GPR37: variants seen among roughly 807,000 people sequenced by gnomAD.
GPR37 encodes the protein prosaposin receptor GPR37.
A neutral mutation model predicts 43.6 loss-of-function variants in GPR37; 20 were observed. The observed-to-expected ratio is 0.46, with a 90% CI of 0.32 to 0.67. The LOEUF is 0.67. Among genes scored for constraint, GPR37 ranks in the 30% least tolerant of loss-of-function variants. The pLI, the probability that GPR37 is intolerant of heterozygous loss-of-function variation, is 0.03. For missense variants in GPR37, 724 were observed against 797.2 expected (o/e 0.91, Z 1.11); for synonymous variants, 315 against 322.6 (o/e 0.98, Z 0.25).
chr7:124,765,452 GA>G lies in GPR37; in HGVS notation c.-477del. On this transcript the variant is annotated 5_prime_UTR_variant, in exon 1 of 2. Transcript: ENST00000303921. ...GCAAGCCGAGGTCTCTAGAGGAAAAGAAAAACAAGTCCCCCTCCCCCAGACG... is the reference window on the plus strand; with the variant it reads ...GCAAGCCGAGGTCTCTAGAGGAAAAGAAAACAAGTCCCCCTCCCCCAGACG... The G allele has an allele frequency of 6.4e-6, 1 of 155,070 alleles. No individual in the cohort carries two copies. The highest frequency in any genetic ancestry group is 1.4e-5 in the Non-Finnish European group (1 of 70,104). 9.6% of individuals were successfully genotyped at this position (155,070 alleles called of 1,614,324 possible).
At chr7:124,760,746 C>CTGG (rs1793841905) in intron 1 of GPR37, among the ~76,000 whole-genome samples, 1 of 152,146 alleles carries the variant, frequency 6.6e-6, no homozygotes, top group Non-Finnish European at 1.5e-5. Context: ...GACCAAGGGT[C>CTGG]TGGTGGCTAC....
At position 124,747,197 on chromosome 7, in the gene GPR37, A is replaced by G. The variant is rs1793682501; in HGVS notation, c.1170T>C (p.Ala390=). The G allele has an allele frequency of 2.5e-6, 4 of 1,613,878 alleles. No homozygotes were observed. The East Asian group carries it at 8.9e-5, about 36-fold the overall frequency. ...TAKLAVIWVG[A]LLLALPEVVL... is the part of the protein sequence containing the mutation. ...CAACTTCTGGAAGTGCTAACAATAG[A>G]GCTCCCACCCATATAACAGCAAGTT... The change falls in exon 2 of 2, where the codon GCT becomes GCC. Residue 390 remains alanine, a synonymous_variant. Transcript: ENST00000303921.
chr7:124,754,674 A>G (rs1793772543), intron 1 of GPR37, among the ~76,000 whole-genome samples: 1 of 152,174 alleles, frequency 6.6e-6, no homozygotes, highest in African/African-American at 2.4e-5. Context: ...AAAATCTTTA[A>G]GTACATCTAT....
Position 124,764,011 on chromosome 7 carries a change from C to A in GPR37, c.966G>T (p.Glu322Asp), listed in dbSNP as rs1444518030. ...CCTCCAGCAGCCACTTCTTGGTCAG[C>A]TCGTGGAAGATGACCAGCGGAAGGC... Reference protein sequence around the residue: ...FFCLPLVIFHELTKKWLLEDF... With the variant: ...FFCLPLVIFHDLTKKWLLEDF... Residue 322 changes from glutamate (E) to aspartate (D), a missense_variant, in exon 1 of 2, where the codon GAG (glutamate) becomes GAT (aspartate). Coordinates refer to ENST00000303921, the MANE Select transcript of GPR37 (RefSeq NM_005302.5). This position sits in a 1 kb window ranked among gnomAD's most constrained non-coding sequence, Gnocchi z 5.4. 1.9e-6 allele frequency: 3 copies of A among 1,614,110 alleles called. No individual in the cohort carries two copies. Among genetic ancestry groups the A allele is most frequent in the South Asian group, 1.1e-5 (1 of 91,090 alleles).
intron 1 of GPR37, among the ~76,000 whole-genome samples, chr7:124,763,547 A>G (rs986289965): frequency 6.7e-6 from 1 of 149,996 alleles, no homozygotes; most frequent in Non-Finnish European, 1.5e-5. Flanking sequence ...GCACTTGGTA[A>G]CTAGTACACA....
chr7:124,756,699 T>G (rs1432548558), intron 1 of GPR37, among the ~76,000 whole-genome samples: 1 of 152,212 alleles, frequency 6.6e-6, no homozygotes, highest in African/African-American at 2.4e-5. Flanking sequence ...GGCGCATCCC[T>G]GGAGGATGGA....
chr7:124,764,818 G>A lies in GPR37; in HGVS notation c.159C>T (p.Gly53=), dbSNP rs760441116. The change falls in exon 1 of 2, where the codon GGC becomes GGT. Residue 53 remains glycine (G), a synonymous_variant. Coordinates refer to ENST00000303921, the MANE Select transcript of GPR37 (RefSeq NM_005302.5). This position sits in a 1 kb window ranked among gnomAD's most constrained non-coding sequence, Gnocchi z 5.4. ...SCAPTVIQRR[G]RDAWGPGNSA... ...AATTTCCCGGTCCCCAGGCGTCCCT[G>A]CCGCGGCGCTGGATCACTGTAGGTG... 1.2e-6 allele frequency: 2 copies of A among 1,613,690 alleles called. No homozygotes were observed. The highest frequency in any genetic ancestry group is 2.2e-5 in the South Asian group (2 of 91,086).
In GPR37 at chr7:124,744,728, C is replaced by G. The variant is rs142004485; in HGVS notation, c.*1797G>C. Reference sequence around the variant, plus strand: ...TTATTTTATTCCTTCCCATCCATGTCATCCCTGCCTGATTCTGTAAGGTCT... The same window carrying G: ...TTATTTTATTCCTTCCCATCCATGTGATCCCTGCCTGATTCTGTAAGGTCT... On this transcript the variant is annotated 3_prime_UTR_variant, in exon 2 of 2. Coordinates refer to ENST00000303921, the MANE Select transcript of GPR37 (RefSeq NM_005302.5). 51 of 152,340 alleles carry G rather than the reference C, an allele frequency of 3.3e-4. No homozygotes were observed. The highest frequency in any genetic ancestry group is 1.1e-3 in the African/African-American group (47 of 41,582). The allele number at this position is 152,340 out of a possible 1,614,324, so 9.4% of individuals were successfully genotyped here.
rs199641404 is a variant in GPR37, at chr7:124,749,169, A to G, written c.1024-1826T>C. ...TAAACCTACTTAAATATTCTGGGGA[A>G]ATTTTAAGTAATTTAATATGTAATA... On this transcript the variant is annotated intron_variant, in intron 1 of 1. Coordinates refer to ENST00000303921, the MANE Select transcript of GPR37 (RefSeq NM_005302.5). Among the ~76,000 whole-genome samples, 9 of 152,278 alleles carry G rather than the reference A, an allele frequency of 5.9e-5. No homozygotes were observed. The East Asian group carries it at 1.4e-3, about 23-fold the overall frequency.
chr7:124,764,487 G>A lies in GPR37; in HGVS notation c.490C>T (p.Arg164Cys). The change falls in exon 1 of 2, where the codon CGT (arginine) becomes TGT (cysteine). Residue 164 changes from arginine to cysteine, a missense_variant. Coordinates refer to ENST00000303921, the MANE Select transcript of GPR37 (RefSeq NM_005302.5). The surrounding 1 kb of genome is among the most constrained non-coding windows in gnomAD (Gnocchi z 5.4). ...GTCTTCACACTCTGCTCCTGGCTAC[G>A]CCCGGAAATGCCAGCGCCTCTGGGA... Reference protein sequence around the residue: ...KGPRGAGISGRSQEQSVKTVP... With the variant: ...KGPRGAGISGCSQEQSVKTVP... 2 of 1,613,554 alleles carry A rather than the reference G, an allele frequency of 1.2e-6. No homozygotes were observed. The highest frequency in any genetic ancestry group is 2.2e-5 in the East Asian group (1 of 44,864).
chr7:124,762,244 T>C (rs1489429763), intron 1 of GPR37, among the ~76,000 whole-genome samples: 1 of 152,144 alleles, frequency 6.6e-6, no homozygotes, highest in Non-Finnish European at 1.5e-5. Context: ...TTTTATAATC[T>C]TTCCTGAATT....
intron 1 of GPR37, among the ~76,000 whole-genome samples, chr7:124,754,607 A>G (rs1793771632): frequency 6.6e-6 from 1 of 152,120 alleles, no homozygotes; most frequent in Non-Finnish European, 1.5e-5. Flanking sequence ...TAAAATAGGA[A>G]AATTTCTAAC....
chr7:124,756,256 T>G (rs1449014759), intron 1 of GPR37, among the ~76,000 whole-genome samples: 4 of 152,068 alleles, frequency 2.6e-5, no homozygotes, highest in Admixed American at 1.3e-4. Context: ...AAGAAAAAAG[T>G]AACATCCCTG....
intron 1 of GPR37, among the ~76,000 whole-genome samples, chr7:124,760,647 G>A (rs1035294892): frequency 3.9e-5 from 6 of 152,080 alleles, no homozygotes; most frequent in African/African-American, 1.2e-4. Flanking sequence ...AGATGCCAAG[G>A]AGCGGAAAGG....
chr7:124,760,285 T>C (rs1000792802), intron 1 of GPR37, among the ~76,000 whole-genome samples: 7 of 152,158 alleles, frequency 4.6e-5, no homozygotes, highest in African/African-American at 7.2e-5. Context: ...CAAAAAATTT[T>C]TAAAAGTCTT....
chr7:124,746,559 A>G lies in GPR37; in HGVS notation c.1808T>C (p.Met603Thr). 6.2e-7 allele frequency: 1 copy of G among 1,611,042 alleles called. No individual in the cohort carries two copies. ...LSPFSTIRRE[M>T]STFASVGTHC ...AGTTCCGACAGAAGCAAAAGTGGACATTTCACGGCGTATGGTACTGAAAGG... is the reference window on the plus strand; with the variant it reads ...AGTTCCGACAGAAGCAAAAGTGGACGTTTCACGGCGTATGGTACTGAAAGG... The change falls in exon 2 of 2, where the codon ATG (methionine) becomes ACG (threonine). Residue 603 changes from methionine to threonine, a missense_variant. Coordinates refer to ENST00000303921, the MANE Select transcript of GPR37 (RefSeq NM_005302.5).
chr7:124,762,093 GATTAA>G (rs1312274989), intron 1 of GPR37, among the ~76,000 whole-genome samples: 4 of 152,136 alleles, frequency 2.6e-5, no homozygotes, highest in East Asian at 3.9e-4. Flanking sequence ...AGGAGGAGCT[GATTAA>G]ATTAAAAAGT....
At chr7:124,760,876 A>G (rs1043407744) in intron 1 of GPR37, among the ~76,000 whole-genome samples, 1 of 152,140 alleles carries the variant, frequency 6.6e-6, no homozygotes, top group Non-Finnish European at 1.5e-5. Context: ...AGCTACTGTA[A>G]GCTGGGCGTG....
At chr7:124,760,921 G>A (rs887900897) in intron 1 of GPR37, among the ~76,000 whole-genome samples, 5 of 152,142 alleles carry the variant, frequency 3.3e-5, no homozygotes, top group South Asian at 2.1e-4. Flanking sequence ...ACTTTGGGAC[G>A]CAGAGGTGGG....
Sources: gnomAD v4.1 joint callset for allele counts (sites outside exome capture counted in the v4.1 genomes callset) on GRCh38, gnomAD v4.1.1 for gene constraint, Gnocchi (gnomAD v3.1) non-coding constraint, MANE v1.5 for transcripts, NCBI Gene and HGNC (gene_info 2026-07-23, HGNC 2026-07-21) for gene names.